The following SEMA3E variants were observed in gnomAD, a reference collection of about 807,000 sequenced individuals.
The protein encoded by SEMA3E is semaphorin 3E.
Under a neutral mutation model 93.6 loss-of-function variants are expected in SEMA3E, and 49 were observed. That is an observed-to-expected ratio of 0.52 (90% CI 0.42 to 0.66). The LOEUF (loss-of-function observed/expected upper bound fraction) is 0.66, where lower values mean the gene tolerates loss of function less well. Ranked by LOEUF, SEMA3E falls within the 30% of genes least tolerant of loss-of-function variation. The pLI is 0.00. For missense variants in SEMA3E, 906 were observed against 964.8 expected, an observed-to-expected ratio of 0.94 and a Z score of 0.81; for synonymous variants, 363 against 330.7, an observed-to-expected ratio of 1.10 and a Z score of -1.06.
rs1448952562 is a variant in SEMA3E at position 83,366,176 on chromosome 7, T to C, written c.*1410A>G. ...TAACTTTGAAAACTGAAATAAACACTGTTTAAGATTAATATCTAAATAAAT... is the reference window on the plus strand; with the variant it reads ...TAACTTTGAAAACTGAAATAAACACCGTTTAAGATTAATATCTAAATAAAT... On this transcript the variant is annotated 3_prime_UTR_variant, in exon 17 of 17. Coordinates refer to ENST00000643230, the MANE Select transcript of SEMA3E (RefSeq NM_012431.3). The C allele has an allele frequency of 6.6e-6, 1 of 152,050 alleles. No individual in the cohort carries two copies. Among genetic ancestry groups the C allele is most frequent in the Non-Finnish European group, 1.5e-5 (1 of 67,948 alleles). 9.4% of individuals were successfully genotyped at this position (152,050 alleles called of 1,614,324 possible).
chr7:83,615,342 T>A (rs1024052394), intron 1 of SEMA3E, among the ~76,000 whole-genome samples: 2 of 152,118 alleles, frequency 1.3e-5, no homozygotes, highest in South Asian at 2.1e-4. Context: ...TATGAGATTT[T>A]TTTTTAAACC....
chr7:83,442,522 A>C (rs1052491108), intron 4 of SEMA3E, among the ~76,000 whole-genome samples: 1 of 152,220 alleles, frequency 6.6e-6, no homozygotes, highest in South Asian at 2.1e-4. Context: ...TAGCCACTTA[A>C]GGAATGGGAA....
At chr7:83,497,307 A>C (rs1038557791) in intron 1 of SEMA3E, among the ~76,000 whole-genome samples, 1 of 152,154 alleles carries the variant, frequency 6.6e-6, no homozygotes. Context: ...CTCTCAAACA[A>C]AAATAGATTT....
intron 1 of SEMA3E, among the ~76,000 whole-genome samples, chr7:83,547,945 T>A (rs1036218132): frequency 6.6e-6 from 1 of 152,106 alleles, no homozygotes; most frequent in Non-Finnish European, 1.5e-5. Flanking sequence ...CTGGTAGCAT[T>A]TCCCAGTCTG....
intron 2 of SEMA3E, 96 bp from the exon 3 acceptor site, chr7:83,469,398 C>CATTTTT: frequency 1.7e-6 from 1 of 598,306 alleles, no homozygotes; most frequent in Non-Finnish European, 2.9e-6. Context: ...AAAACATTTC[C>CATTTTT]TTTTTTTTTT....
chr7:83,434,664 A>G (rs1788963059), intron 4 of SEMA3E, among the ~76,000 whole-genome samples: 1 of 151,806 alleles, frequency 6.6e-6, no homozygotes, highest in Admixed American at 6.6e-5. Context: ...ACTTTGGCAG[A>G]ATTGGCTAAT....
chr7:83,591,672 C>A (rs1444729733), intron 1 of SEMA3E, among the ~76,000 whole-genome samples: 1 of 151,880 alleles, frequency 6.6e-6, no homozygotes, highest in Non-Finnish European at 1.5e-5. Flanking sequence ...CACAGATGGG[C>A]AATCTCACAA....
At chr7:83,567,140 G>A (rs1159669732) in intron 1 of SEMA3E, among the ~76,000 whole-genome samples, 4 of 152,202 alleles carry the variant, frequency 2.6e-5, no homozygotes, top group East Asian at 3.9e-4. Flanking sequence ...CAGACTTTAC[G>A]TCAGAAACAG....
At chr7:83,486,529 C>T (rs1386429810) in intron 2 of SEMA3E, among the ~76,000 whole-genome samples, 1 of 152,138 alleles carries the variant, frequency 6.6e-6, no homozygotes, top group Non-Finnish European at 1.5e-5. Context: ...GCCTGGTGAG[C>T]ACCGAAGAAC....
chr7:83,465,566 G>T, intron 4 of SEMA3E, among the ~76,000 whole-genome samples: 1 of 152,060 alleles, frequency 6.6e-6, no homozygotes, highest in East Asian at 1.9e-4. Context: ...CTTTGTATGT[G>T]GTGGCTTAAA....
At chr7:83,493,216 G>T (rs915390989) in intron 1 of SEMA3E, among the ~76,000 whole-genome samples, 4 of 151,862 alleles carry the variant, frequency 2.6e-5, no homozygotes, top group African/African-American at 7.2e-5. Flanking sequence ...TTTTCATACT[G>T]TTGGAAGCTT....
chr7:83,538,759 A>G (rs1692509105), intron 1 of SEMA3E, among the ~76,000 whole-genome samples: 1 of 152,000 alleles, frequency 6.6e-6, no homozygotes. Flanking sequence ...ATATCCCAGA[A>G]CTCTATTTTA....
chr7:83,496,494 C>T (rs377605243), intron 1 of SEMA3E, among the ~76,000 whole-genome samples: 16 of 151,730 alleles, frequency 1.1e-4, no homozygotes, highest in South Asian at 1.0e-3. Context: ...ATAAACTATC[C>T]GAAATAATTA....
intron 1 of SEMA3E, among the ~76,000 whole-genome samples, chr7:83,530,602 C>T (rs1014807562): frequency 2.0e-5 from 3 of 152,102 alleles, no homozygotes; most frequent in Non-Finnish European, 2.9e-5. Context: ...TTTGGCCAGG[C>T]GTGGTGGCTC....
chr7:83,429,253 C>T (rs996048317), intron 4 of SEMA3E, among the ~76,000 whole-genome samples: 2 of 152,072 alleles, frequency 1.3e-5, no homozygotes, highest in African/African-American at 4.8e-5. Context: ...ATTCCTAAAA[C>T]TTTTAATAAA....
intron 2 of SEMA3E, among the ~76,000 whole-genome samples, chr7:83,488,373 A>G (rs1219079139): frequency 6.6e-6 from 1 of 152,102 alleles, no homozygotes; most frequent in African/African-American, 2.4e-5. Context: ...AAACAGGAGA[A>G]GGTTTTAAAA....
At chr7:83,619,017 G>A (rs1206359717) in intron 1 of SEMA3E, among the ~76,000 whole-genome samples, 1 of 151,784 alleles carries the variant, frequency 6.6e-6, no homozygotes, top group Non-Finnish European at 1.5e-5. Context: ...ATTATATTCT[G>A]ATGGATATTA....
At chr7:83,590,352 G>T (rs1792732713) in intron 1 of SEMA3E, among the ~76,000 whole-genome samples, 1 of 148,836 alleles carries the variant, frequency 6.7e-6, no homozygotes, top group Non-Finnish European at 1.5e-5. Context: ...AAACAAAAAT[G>T]CATAGATTCA....
chr7:83,454,175 G>T (rs1031571849), intron 4 of SEMA3E, among the ~76,000 whole-genome samples: 1 of 147,470 alleles, frequency 6.8e-6, no homozygotes, highest in Admixed American at 6.9e-5. Context: ...GGAGAATTGC[G>T]TGAACCCGGG....
Sources: allele counts gnomAD v4.1 joint callset (sites outside exome capture counted in the v4.1 genomes callset), GRCh38; gene constraint gnomAD v4.1.1; transcripts MANE v1.5; gene names NCBI Gene and HGNC (gene_info 2026-07-23, HGNC 2026-07-21).